The following UNC79 variants were observed in gnomAD, a reference collection of about 807,000 sequenced individuals.
The protein encoded by UNC79 is unc-79 subunit of NALCN channel complex.
A neutral mutation model predicts 283.1 loss-of-function variants in UNC79; 37 were observed. That is an observed-to-expected ratio of 0.13 (90% CI 0.10 to 0.17). The LOEUF (loss-of-function observed/expected upper bound fraction) is 0.17. Among genes scored for constraint, UNC79 ranks in the 10% least tolerant of loss-of-function variants. UNC79 has a pLI of 1.00. For missense variants in UNC79, 2,272 were observed against 3,211.1 expected (o/e 0.71, Z 7.07); for synonymous variants, 1,107 against 1,200.2 (o/e 0.92, Z 1.61).
chr14:93,340,571 CTTT>C (rs1182617864), intron 1 of UNC79, among the ~76,000 whole-genome samples: 18 of 135,708 alleles, frequency 1.3e-4, no homozygotes, highest in Admixed American at 3.0e-4. Context: ...GTAGGAGAAA[CTTT>C]TTTTTTTTTT....
At chr14:93,455,362 C>T (rs866259891) in intron 1 of UNC79, among the ~76,000 whole-genome samples, 1 of 152,142 alleles carries the variant, frequency 6.6e-6, no homozygotes, top group African/African-American at 2.4e-5. Flanking sequence ...ATCTCCATTT[C>T]TGAATATATC....
chr14:93,452,354 A>G (rs1407524111), intron 1 of UNC79, among the ~76,000 whole-genome samples: 1 of 151,252 alleles, frequency 6.6e-6, no homozygotes, highest in East Asian at 1.9e-4. Flanking sequence ...GTGAAAGAAC[A>G]GATTACACCT....
intron 41 of UNC79, among the ~76,000 whole-genome samples, chr14:93,674,810 T>C (rs1465712291): frequency 6.6e-6 from 1 of 152,160 alleles, no homozygotes; most frequent in Non-Finnish European, 1.5e-5. Flanking sequence ...ATGGGGGGGT[T>C]CAGTGGCTTG....
intron 1 of UNC79, among the ~76,000 whole-genome samples, chr14:93,364,224 C>A (rs189743898): frequency 3.3e-5 from 5 of 152,258 alleles, no homozygotes. Context: ...ATTACCAAGA[C>A]CCAAAAAGAC....
intron 27 of UNC79, among the ~76,000 whole-genome samples, chr14:93,613,805 T>C (rs2066487292): frequency 6.6e-6 from 1 of 152,190 alleles, no homozygotes; most frequent in East Asian, 1.9e-4. Flanking sequence ...ATGTTAGAAA[T>C]TATAATTTTA....
chr14:93,593,421 G>C (rs1025731879), intron 22 of UNC79, among the ~76,000 whole-genome samples: 1 of 152,148 alleles, frequency 6.6e-6, no homozygotes. Context: ...TATTTATATT[G>C]CTGAATTTAC....
At chr14:93,373,216 A>G (rs2054489856) in intron 1 of UNC79, among the ~76,000 whole-genome samples, 1 of 152,232 alleles carries the variant, frequency 6.6e-6, no homozygotes, top group Non-Finnish European at 1.5e-5. Context: ...AGAGAAGACT[A>G]ATCATCTAAG....
intron 41 of UNC79, 27 bp from the exon 45 acceptor site, chr14:93,682,590 A>T (rs1430262092): frequency 6.3e-7 from 1 of 1,595,286 alleles, no homozygotes. Context: ...ACCCTTAAAA[A>T]TAATTATCCT....
chr14:93,351,981 A>G (rs995525509), intron 1 of UNC79, among the ~76,000 whole-genome samples: 1 of 152,252 alleles, frequency 6.6e-6, no homozygotes, highest in Non-Finnish European at 1.5e-5. Flanking sequence ...CCTAAATGGT[A>G]TTTGACCAGA....
intron 1 of UNC79, among the ~76,000 whole-genome samples, chr14:93,399,893 T>C (rs1472511992): frequency 1.3e-5 from 2 of 152,186 alleles, no homozygotes; most frequent in Non-Finnish European, 2.9e-5. Flanking sequence ...TTAATGGTTA[T>C]CTGGGAAAAG....
intron 14 of UNC79, among the ~76,000 whole-genome samples, chr14:93,556,805 C>A (rs1266583581): frequency 6.6e-6 from 1 of 152,100 alleles, no homozygotes; most frequent in Non-Finnish European, 1.5e-5. Flanking sequence ...ATATCATTTA[C>A]CATAGAGCTC....
At chr14:93,539,139 A>G (rs1314207860) in intron 12 of UNC79, among the ~76,000 whole-genome samples, 1 of 149,618 alleles carries the variant, frequency 6.7e-6, no homozygotes, top group African/African-American at 2.5e-5. Flanking sequence ...CTGACCTCAG[A>G]TGATCCACCC....
intron 1 of UNC79, among the ~76,000 whole-genome samples, chr14:93,458,392 T>C (rs980675242): frequency 1.3e-5 from 2 of 152,204 alleles, no homozygotes; most frequent in African/African-American, 4.8e-5. Flanking sequence ...TAGCTGTAGG[T>C]GGGAACTCAC....
intron 1 of UNC79, among the ~76,000 whole-genome samples, chr14:93,364,644 T>C (rs1458308814): frequency 1.0e-5 from 1 of 95,348 alleles, no homozygotes; most frequent in African/African-American, 3.5e-5. Flanking sequence ...CTATTTAGCA[T>C]GTCAAACCCT....
At chr14:93,390,291 A>G (rs891690721) in intron 1 of UNC79, among the ~76,000 whole-genome samples, 7 of 152,232 alleles carry the variant, frequency 4.6e-5, no homozygotes, top group African/African-American at 1.7e-4. Flanking sequence ...AAAACATTCA[A>G]CAAATTAATA....
intron 1 of UNC79, among the ~76,000 whole-genome samples, chr14:93,448,895 C>T (rs1314117720): frequency 1.3e-5 from 2 of 152,138 alleles, no homozygotes; most frequent in East Asian, 1.9e-4. Context: ...TTGGTTTGTT[C>T]GTTTTTAGAA....
chr14:93,486,699 G>T (rs997124403), intron 4 of UNC79, among the ~76,000 whole-genome samples: 4 of 150,196 alleles, frequency 2.7e-5, no homozygotes, highest in Admixed American at 6.6e-5. Context: ...CCTCTTGGGA[G>T]ACCATGTATT....
intron 1 of UNC79, among the ~76,000 whole-genome samples, chr14:93,420,687 T>C (rs2055577478): frequency 6.6e-6 from 1 of 151,700 alleles, no homozygotes. Context: ...ATAATTCTCA[T>C]GGATAGACCA....
At chr14:93,677,391 T>C (rs1238288154) in intron 41 of UNC79, among the ~76,000 whole-genome samples, 1 of 152,160 alleles carries the variant, frequency 6.6e-6, no homozygotes, top group African/African-American at 2.4e-5. Context: ...GCGAAGGTGA[T>C]TGAGGAGCAA....
Sources: gnomAD v4.1 joint callset for allele counts (sites outside exome capture counted in the v4.1 genomes callset) on GRCh38, gnomAD v4.1.1 for gene constraint, MANE v1.5 for transcripts, NCBI Gene and HGNC (gene_info 2026-07-23, HGNC 2026-07-21) for gene names.